Variants in OVCH1 observed in about 807,000 individuals in gnomAD.
OVCH1 encodes ovochymase-1.
A neutral mutation model predicts 138.4 loss-of-function variants in OVCH1; 139 were observed. That is an observed-to-expected ratio of 1.00 (90% CI 0.87 to 1.16). The LOEUF is 1.16. Among genes scored for constraint, OVCH1 ranks in the 50% most tolerant of loss-of-function variants. The pLI, the probability that OVCH1 is intolerant of heterozygous loss-of-function variation, is 0.00. For synonymous variants in OVCH1, 453 were observed against 467.8 expected (o/e 0.97, Z 0.41); for missense variants, 1,367 against 1,357.9 (o/e 1.01, Z -0.11).
At chr12:29,442,272 C>T (rs1286576268) in intron 25 of OVCH1, among the ~76,000 whole-genome samples, 2 of 151,552 alleles carry the variant, frequency 1.3e-5, no homozygotes, top group South Asian at 2.1e-4. Context: ...CACATATACA[C>T]CATGGAATAT....
exon 5 of OVCH1, chr12:29,491,143 T>G: frequency 6.2e-7 from 1 of 1,613,792 alleles, no homozygotes; most frequent in Non-Finnish European, 8.5e-7. Context: ...GAATTCCTGG[T>G]TCAACTTTAT....
chr12:29,425,709 T>G (rs1347175028), downstream of OVCH1, among the ~76,000 whole-genome samples: 1 of 152,226 alleles, frequency 6.6e-6, no homozygotes, highest in Admixed American at 6.5e-5. Context: ...ATTAAGAGTT[T>G]TCATCTTCAT....
At chr12:29,446,484 TTTCTATTACAGTCTTGCTCTTA>T (rs1403499831) in intron 22 of OVCH1, among the ~76,000 whole-genome samples, 7 of 152,100 alleles carry the variant, frequency 4.6e-5, no homozygotes, top group Non-Finnish European at 1.0e-4. Context: ...AAGAATAATA[TTTCTATTACAGTCTTGCTCTTA>T]TCCTAGATAT....
At chr12:29,440,814 A>AAGAC (rs1401142664) in intron 25 of OVCH1, 70 bp from the exon 26 acceptor site, 5 of 447,914 alleles carry the variant, frequency 1.1e-5, no homozygotes, top group African/African-American at 1.0e-4. Flanking sequence ...AAGAATAAAA[A>AAGAC]AGACAGCAGT....
rs2136027983 is a variant in OVCH1, at chr12:29,476,304, G to T, written c.1378-5C>A. 6.2e-7 allele frequency: 1 copy of T among 1,603,730 alleles called. No homozygotes were observed. The highest frequency in any genetic ancestry group is 8.5e-7 in the Non-Finnish European group (1 of 1,170,700). On this transcript the variant is annotated splice_polypyrimidine_tract_variant and splice_region_variant and intron_variant, in intron 12 of 27. Coordinates refer to ENST00000318184, the Ensembl canonical transcript of OVCH1. ...AGCAAAGTCCTCAAATGTCAACTGT[G>T]CAAATGGAAACATAACCAGGGAAAT...
chr12:29,488,848 A>T (rs1261766286), intron 6 of OVCH1, among the ~76,000 whole-genome samples: 2 of 152,104 alleles, frequency 1.3e-5, no homozygotes, highest in Non-Finnish European at 2.9e-5. Context: ...AGGAAAAAGC[A>T]CCTTTAGCCT....
At chr12:29,404,556 A>C in the OVCH1 span, among the ~76,000 whole-genome samples, 1 of 152,194 alleles carries the variant, frequency 6.6e-6, no homozygotes, top group Non-Finnish European at 1.5e-5. Flanking sequence ...CTGAAAGATA[A>C]GTTAGTGTAA....
intron 1 of OVCH1, among the ~76,000 whole-genome samples, chr12:29,497,376 G>A (rs894093849): frequency 1.3e-5 from 2 of 152,154 alleles, no homozygotes; most frequent in African/African-American, 4.8e-5. Flanking sequence ...AGGCTCCTTA[G>A]TACACACATG....
At chr12:29,420,061 G>T (rs1592024072) in intron 3 of OVCH1, among the ~76,000 whole-genome samples, 1 of 152,186 alleles carries the variant, frequency 6.6e-6, no homozygotes, top group East Asian at 1.9e-4. Context: ...TAATCATTTG[G>T]CTATGGGACA....
At chr12:29,493,094 C>T (rs1326683904) in intron 4 of OVCH1, among the ~76,000 whole-genome samples, 2 of 152,142 alleles carry the variant, frequency 1.3e-5, no homozygotes, top group African/African-American at 4.8e-5. Context: ...TAACCTAATA[C>T]ACCCAGCTAT....
chr12:29,440,477 A>G (rs916025021), intron 25 of OVCH1: 5 of 268,796 alleles, frequency 1.9e-5, no homozygotes, highest in African/African-American at 1.1e-4. Context: ...CAAGCAGCAC[A>G]ATTTTAAGAA....
At chr12:29,459,040 A>G (rs1272352016) in intron 19 of OVCH1, among the ~76,000 whole-genome samples, 1 of 152,214 alleles carries the variant, frequency 6.6e-6, no homozygotes, top group Non-Finnish European at 1.5e-5. Flanking sequence ...TATTGATGAG[A>G]ATATCAATTA....
At chr12:29,430,408 T>C (rs1478638463) in intron 27 of OVCH1, among the ~76,000 whole-genome samples, 1 of 151,986 alleles carries the variant, frequency 6.6e-6, no homozygotes, top group East Asian at 1.9e-4. Context: ...GTGACCAAGG[T>C]GGGTAGGGAA....
intron 4 of OVCH1, among the ~76,000 whole-genome samples, chr12:29,495,068 T>G (rs1279760432): frequency 6.6e-6 from 1 of 151,970 alleles, no homozygotes; most frequent in East Asian, 1.9e-4. Flanking sequence ...AGGGAAAAAA[T>G]GTTGATTGTT....
At chr12:29,429,361 G>A (rs1941230903) in intron 27 of OVCH1, among the ~76,000 whole-genome samples, 1 of 152,142 alleles carries the variant, frequency 6.6e-6, no homozygotes, top group African/African-American at 2.4e-5. Flanking sequence ...CAGTGAGTGT[G>A]ATCTCATACT....
chr12:29,471,910 G>A (rs752663061), exon 16 of OVCH1: 28 of 1,613,354 alleles, frequency 1.7e-5, no homozygotes, highest in Non-Finnish European at 8.5e-7. Flanking sequence ...CCAACAGTGG[G>A]GGCAGGCTTC....
intron 8 of OVCH1, among the ~76,000 whole-genome samples, chr12:29,485,120 G>C (rs576599102): frequency 6.6e-6 from 1 of 152,042 alleles, no homozygotes; most frequent in South Asian, 2.1e-4. Context: ...AGATGCTAAC[G>C]TACAATTTGA....
At chr12:29,433,951 GAATGGATT>G (rs1941313660) in intron 26 of OVCH1, 1 of 669,058 alleles carries the variant, frequency 1.5e-6, no homozygotes, top group Non-Finnish European at 2.2e-6. Context: ...AAATGAGTGT[GAATGGATT>G]AATCTTAAGT....
chr12:29,407,230 C>T, the OVCH1 span, among the ~76,000 whole-genome samples: 15,933 of 107,880 alleles, frequency 0.15, 1,356 homozygotes, highest in Middle Eastern at 0.29. Flanking sequence ...GAGTAGGTTG[C>T]GAAAATTTTC....
Sources: gnomAD v4.1 joint callset for allele counts (sites outside exome capture counted in the v4.1 genomes callset) on GRCh38, gnomAD v4.1.1 for gene constraint, MANE v1.5 for transcripts, NCBI Gene and HGNC (gene_info 2026-07-23, HGNC 2026-07-21) for gene names.